DOK7: variants seen among roughly 807,000 people sequenced by gnomAD.
DOK7 encodes the protein docking protein 7.
In DOK7, 32 loss-of-function variants were observed where a neutral mutation model predicts 30.7. The ratio of observed to expected loss-of-function variants is 1.04; its 90% CI spans 0.79 to 1.40. The LOEUF is 1.40. DOK7 is among the 40% of genes most tolerant of loss of function. The pLI is 0.00. For synonymous variants in DOK7, 447 were observed against 324.1 expected (o/e 1.38, Z -4.07); for missense variants, 1,007 against 699.2 (o/e 1.44, Z -4.97).
At chr4:3,490,044 C>T (rs1219985009) in intron 6 of DOK7, among the ~76,000 whole-genome samples, 10 of 125,164 alleles carry the variant, frequency 8.0e-5, no homozygotes, top group African/African-American at 2.5e-4. Context: ...CTTCTTCCTC[C>T]TACTCATTAA....
intron 5 of DOK7, among the ~76,000 whole-genome samples, chr4:3,485,919 C>G (rs935049552): frequency 3.3e-5 from 5 of 152,220 alleles, no homozygotes; most frequent in African/African-American, 4.8e-5. Flanking sequence ...ACGCTTGGCC[C>G]TAGAGCTTTC....
chr4:3,474,818 T>A (rs1157997898), intron 3 of DOK7, among the ~76,000 whole-genome samples: 1 of 149,504 alleles, frequency 6.7e-6, no homozygotes, highest in African/African-American at 2.5e-5. Flanking sequence ...TAGGACTCCA[T>A]CTCAAAAAAA....
chr4:3,463,633 C>T (rs1278945820), intron 2 of DOK7, 82 bp downstream of exon 2: 12 of 1,483,058 alleles, frequency 8.1e-6, no homozygotes, highest in Non-Finnish European at 1.0e-5. Flanking sequence ...GCCAGCTTGC[C>T]CAAAATCGCC....
At chr4:3,468,494 G>T (rs943457221) in intron 2 of DOK7, among the ~76,000 whole-genome samples, 1 of 151,610 alleles carries the variant, frequency 6.6e-6, no homozygotes, top group African/African-American at 2.4e-5. Context: ...ATGTATGAGT[G>T]TGCATGTGCG....
intron 2 of DOK7, among the ~76,000 whole-genome samples, chr4:3,464,837 C>T (rs1044587998): frequency 2.6e-5 from 4 of 152,156 alleles, no homozygotes; most frequent in Non-Finnish European, 5.9e-5. Flanking sequence ...AGGGTGTGCT[C>T]CCCCGGCCGG....
chr4:3,487,264 C>G (rs114976581), intron 5 of DOK7, among the ~76,000 whole-genome samples: 25,894 of 152,220 alleles, frequency 0.17, 2,758 homozygotes, highest in South Asian at 0.31. Flanking sequence ...GGCAGCACCC[C>G]ACCAGAGAAG....
chr4:3,482,390 G>A (rs1420010088), intron 4 of DOK7, among the ~76,000 whole-genome samples: 1 of 152,222 alleles, frequency 6.6e-6, no homozygotes, highest in Non-Finnish European at 1.5e-5. Context: ...TGTTGGCTGG[G>A]TTGCCTCAGT....
At chr4:3,492,237 G>A (rs1328201219) in intron 6 of DOK7, among the ~76,000 whole-genome samples, 1 of 151,948 alleles carries the variant, frequency 6.6e-6, no homozygotes, top group African/African-American at 2.4e-5. Context: ...AGTGAGGCAA[G>A]GACGCCAGCA....
At chr4:3,468,694 ATG>A (rs1726508061) in intron 2 of DOK7, among the ~76,000 whole-genome samples, 1 of 114,660 alleles carries the variant, frequency 8.7e-6, no homozygotes, top group African/African-American at 3.7e-5. Context: ...GTGTGCATGT[ATG>A]TCTGTGTATG....
intron 4 of DOK7, among the ~76,000 whole-genome samples, chr4:3,480,213 G>T (rs1256693572): frequency 6.6e-6 from 1 of 152,202 alleles, no homozygotes; most frequent in East Asian, 1.9e-4. Context: ...CCCCTTACCT[G>T]CTCTCTCCAG....
At chr4:3,464,583 G>A (rs951956429) in intron 2 of DOK7, among the ~76,000 whole-genome samples, 1 of 152,202 alleles carries the variant, frequency 6.6e-6, no homozygotes, top group Non-Finnish European at 1.5e-5. Context: ...GCCCTGCCAG[G>A]CTGGGGCGGA....
Position 3,477,710 on chromosome 4 carries a change from C to T in DOK7, c.532+1168C>T, listed in dbSNP as rs142671428. ...ACGTGCGGCAGAGCTGGCCCGGAGT[C>T]TCGGCCCCTGGGGCTGGCAGGGGCC... is the stretch of plus-strand genomic sequence containing the variant. On this transcript the variant is annotated intron_variant, in intron 4 of 6. Coordinates refer to ENST00000340083, the MANE Select transcript of DOK7 (RefSeq NM_173660.5). Among the ~76,000 whole-genome samples, 585 of 152,286 alleles carry T rather than the reference C, an allele frequency of 3.8e-3. 5 individuals carry two copies. Among genetic ancestry groups the T allele is most frequent in the African/African-American group, 0.013 (558 of 41,572 alleles).
intron 2 of DOK7, among the ~76,000 whole-genome samples, chr4:3,466,321 C>A (rs1303749209): frequency 6.6e-6 from 1 of 152,164 alleles, no homozygotes; most frequent in Non-Finnish European, 1.5e-5. Context: ...CAGGAGGGAC[C>A]CCACGGAGAC....
chr4:3,495,527 A>G (rs1328916786), downstream of DOK7, among the ~76,000 whole-genome samples: 1 of 152,214 alleles, frequency 6.6e-6, no homozygotes, highest in Non-Finnish European at 1.5e-5. Context: ...TCTCCTCACG[A>G]TGCTCGTGAG....
At position 3,469,177 on chromosome 4, in the gene DOK7, G is replaced by A. The variant is rs73195123; in HGVS notation, c.101-4229G>A. Among the ~76,000 whole-genome samples, 24 of 151,222 alleles carry A rather than the reference G, an allele frequency of 1.6e-4. 1 individual carries two copies. The highest frequency in any genetic ancestry group is 1.3e-3 in the South Asian group (6 of 4,750). On this transcript the variant is annotated intron_variant, in intron 2 of 6. Transcript: ENST00000340083. The stretch of plus-strand genomic sequence containing the variant: ...TATGAGTGTGCATGTGTGTGTGTGC[G>A]TCTGTGTGAGTGTGCATGTATGAGT...
At position 3,463,460 on chromosome 4, in the gene DOK7, G is replaced by T. The variant is rs762404326; in HGVS notation, c.54+31G>T. ...GGCGCGTCGGGGGCGCGGGGGGGGGGGGCGCGGGCGCGGGCGGCGGCTCAC... is the reference window on the plus strand; with the variant it reads ...GGCGCGTCGGGGGCGCGGGGGGGGGTGGCGCGGGCGCGGGCGGCGGCTCAC... On this transcript the variant is annotated intron_variant, in intron 1 of 6. Coordinates refer to ENST00000340083, the MANE Select transcript of DOK7 (RefSeq NM_173660.5). The T allele has an allele frequency of 2.9e-5, 41 of 1,419,712 alleles. No individual in the cohort carries two copies. In the Admixed American group the frequency reaches 2.9e-4, roughly 10 times the overall value. 87.9% of individuals were successfully genotyped at this position (1,419,712 alleles called of 1,614,324 possible).
rs927555518 is a variant in DOK7, at chr4:3,493,988, C to A, written c.*487C>A. On this transcript the variant is annotated 3_prime_UTR_variant, in exon 7 of 7. Coordinates refer to ENST00000340083, the MANE Select transcript of DOK7 (RefSeq NM_173660.5). The stretch of plus-strand genomic sequence containing the variant: ...GCTCCGGCCACCTGGGCTCCACCAG[C>A]CCAGCCCCCCTGGGCTCCGTGTGCG... 363 of 973,484 alleles carry A rather than the reference C, an allele frequency of 3.7e-4. No homozygotes were observed. The highest frequency in any genetic ancestry group is 2.8e-3 in the Admixed American group (36 of 12,980). The allele number at this position is 973,484 out of a possible 1,614,324, so 60.3% of individuals were successfully genotyped here.
chr4:3,468,547 T>C (rs926349534), intron 2 of DOK7, among the ~76,000 whole-genome samples: 4 of 151,552 alleles, frequency 2.6e-5, no homozygotes, highest in African/African-American at 9.7e-5. Flanking sequence ...TGTATGTGTG[T>C]GTGCCTGTGT....
chr4:3,496,680 G>A, downstream of DOK7: 1 of 847,948 alleles, frequency 1.2e-6, no homozygotes, highest in Non-Finnish European at 1.8e-6. Flanking sequence ...AGGTATGGCG[G>A]GCTGGACTCC....
Sources: gnomAD v4.1 joint callset for allele counts (sites outside exome capture counted in the v4.1 genomes callset) on GRCh38, gnomAD v4.1.1 for gene constraint, MANE v1.5 for transcripts, NCBI Gene and HGNC (gene_info 2026-07-23, HGNC 2026-07-21) for gene names.